PSME3IP1: variants seen among roughly 807,000 people sequenced by gnomAD.
The protein encoded by PSME3IP1 is proteasome activator subunit 3 interacting protein 1.
PSME3IP1 carries 13 observed loss-of-function variants against 34.1 expected under a neutral mutation model. The observed-to-expected ratio is 0.38, with a 90% CI of 0.25 to 0.61. The LOEUF is 0.61. Ranked by LOEUF, PSME3IP1 falls within the 20% of genes least tolerant of loss-of-function variation. PSME3IP1 has a pLI of 0.60. For synonymous variants in PSME3IP1, 93 were observed against 114.3 expected, an observed-to-expected ratio of 0.81 and a Z score of 1.19; for missense variants, 237 against 301.4, an observed-to-expected ratio of 0.79 and a Z score of 1.58.
At chr16:57,159,889 G>C (rs2071018675) in intron 6 of PSME3IP1, among the ~76,000 whole-genome samples, 1 of 152,090 alleles carries the variant, frequency 6.6e-6, no homozygotes, top group Non-Finnish European at 1.5e-5. Flanking sequence ...TTTAACCCCA[G>C]CTACTCAGGA....
intron 6 of PSME3IP1, among the ~76,000 whole-genome samples, chr16:57,156,949 A>G: frequency 6.6e-6 from 1 of 152,234 alleles, no homozygotes; most frequent in East Asian, 1.9e-4. Context: ...GCAAAAGAGT[A>G]CTGACAACCA....
At position 57,172,777 on chromosome 16, in the gene PSME3IP1, G is replaced by C; in HGVS notation, c.225C>G (p.Phe75Leu). The change falls in exon 3 of 7, where the codon TTC becomes TTG. Residue 75 changes from phenylalanine (F) to leucine (L), a missense_variant and splice_region_variant. Physicochemically the swap from Phe to Leu is conservative, Grantham distance 22 (BLOSUM62 0). Transcript: ENST00000309137. ...KQQEYEEQFKFKNMVRGLDED... is the reference protein window; with the variant it reads ...KQQEYEEQFKLKNMVRGLDED... Reference sequence around the variant, plus strand: ...AACTCTCTGTTTTCTGAAGCTTACTGAATTTGAACTGTTCCTCGTACTCCT... The same window carrying C: ...AACTCTCTGTTTTCTGAAGCTTACTCAATTTGAACTGTTCCTCGTACTCCT... 2 of 1,609,080 alleles carry C rather than the reference G, an allele frequency of 1.2e-6. No homozygotes were observed. Among genetic ancestry groups the C allele is most frequent in the African/African-American group, 1.3e-5 (1 of 74,922 alleles).
intron 1 of PSME3IP1, among the ~76,000 whole-genome samples, chr16:57,184,564 C>T (rs182675950): frequency 1.6e-4 from 25 of 152,240 alleles, no homozygotes; most frequent in African/African-American, 5.5e-4. Flanking sequence ...ATGGTGAACA[C>T]GTTGAAAATG....
chr16:57,160,796 C>T (rs1187892397), intron 6 of PSME3IP1, among the ~76,000 whole-genome samples: 1 of 152,154 alleles, frequency 6.6e-6, no homozygotes, highest in Non-Finnish European at 1.5e-5. Flanking sequence ...GATTAAAATA[C>T]TACTAACAAT....
At chr16:57,183,014 T>C (rs2073872534) in intron 1 of PSME3IP1, among the ~76,000 whole-genome samples, 1 of 152,120 alleles carries the variant, frequency 6.6e-6, no homozygotes, top group South Asian at 2.1e-4. Context: ...ACTCATTCAG[T>C]AAAAGACATA....
intron 4 of PSME3IP1, among the ~76,000 whole-genome samples, chr16:57,171,928 T>C (rs1452911348): frequency 6.6e-6 from 1 of 152,198 alleles, no homozygotes; most frequent in African/African-American, 2.4e-5. Context: ...CATGTTCTTT[T>C]AAAACTCAGA....
intron 1 of PSME3IP1, chr16:57,181,567 G>A (rs1163770212): frequency 2.0e-5 from 3 of 152,162 alleles, no homozygotes; most frequent in Non-Finnish European, 4.4e-5. Flanking sequence ...GATGGAGACC[G>A]CGTCAGATCC....
intron 6 of PSME3IP1, among the ~76,000 whole-genome samples, chr16:57,158,582 T>C (rs534565027): frequency 3.3e-5 from 5 of 151,886 alleles, no homozygotes; most frequent in African/African-American, 1.2e-4. Context: ...AGCTAGACTG[T>C]CTCAAAATAA....
In PSME3IP1 at chr16:57,154,223, G is replaced by T; in HGVS notation, c.*67C>A. 2 of 1,361,034 alleles carry T rather than the reference G, an allele frequency of 1.5e-6. No individual in the cohort carries two copies. The highest frequency in any genetic ancestry group is 2.1e-6 in the Non-Finnish European group (2 of 959,212). 84.3% of individuals were successfully genotyped at this position (1,361,034 alleles called of 1,614,324 possible). ...GGAGTTTTTTTTTGAGGGACATAAT[G>T]CCTATAGGCAGCATGAACGGTCCGA... On this transcript the variant is annotated 3_prime_UTR_variant, in exon 7 of 7. Transcript: ENST00000309137. This position sits in a 1 kb window ranked among gnomAD's most constrained non-coding sequence, Gnocchi z 4.0.
intron 1 of PSME3IP1, among the ~76,000 whole-genome samples, chr16:57,176,586 C>T (rs558424746): frequency 3.2e-4 from 49 of 152,134 alleles, no homozygotes; most frequent in Non-Finnish European, 5.6e-4. Flanking sequence ...AGGTTCAATC[C>T]ACTGGGACTA....
At chr16:57,160,705 G>A (rs1221064033) in intron 6 of PSME3IP1, among the ~76,000 whole-genome samples, 5 of 152,184 alleles carry the variant, frequency 3.3e-5, no homozygotes, top group African/African-American at 9.7e-5. Context: ...AAAAAGGAAC[G>A]AGGAAGTGCT....
chr16:57,183,340 A>AT lies in PSME3IP1; in HGVS notation c.-16+2480dup, dbSNP rs1212853282. 6.4e-4 allele frequency among the ~76,000 whole-genome samples: 97 copies of AT among 150,488 alleles called. 1 individual carries two copies. Among genetic ancestry groups the AT allele is most frequent in the Middle Eastern group, 3.5e-3 (1 of 288 alleles). ...ATATGCTGGAAATTTGTCAAAAATA[A>AT]TTTTTTTTTTGAGATAGGGTCTCGC... On this transcript the variant is annotated intron_variant, in intron 1 of 6. Coordinates refer to ENST00000309137, the MANE Select transcript of PSME3IP1 (RefSeq NM_024946.4).
chr16:57,164,028 C>T lies in PSME3IP1; in HGVS notation c.520G>A (p.Asp174Asn). The part of the protein sequence containing the change: ...SGNSVKRLKP[D>N]PEPDDKNQEP... ...TGATTCTTGTCATCTGGCTCAGGGT[C>T]CGGTTTCAGTCTTTTCACACTGTTG... The change falls in exon 6 of 7, where the codon GAC becomes AAC. Residue 174 changes from aspartate to asparagine, a missense_variant. Transcript: ENST00000309137. 3 of 1,614,158 alleles carry T rather than the reference C, an allele frequency of 1.9e-6. No individual in the cohort carries two copies. The highest frequency in any genetic ancestry group is 2.5e-6 in the Non-Finnish European group (3 of 1,180,030).
In PSME3IP1 at chr16:57,185,969, AAAAAG is replaced by A. The variant is rs2146095008; in HGVS notation, c.-169_-165del. On this transcript the variant is annotated 5_prime_UTR_variant, in exon 1 of 7. Transcript: ENST00000309137. ...AGGAATGAATGAAAGAAAGAAAAAAAAAAAGAAAATAGCCTTTGCTTTTGTATTTC... is the reference window on the plus strand; with the variant it reads ...AGGAATGAATGAAAGAAAGAAAAAAAAAAATAGCCTTTGCTTTTGTATTTC... 5.1e-6 allele frequency: 5 copies of A among 985,430 alleles called. No homozygotes were observed. The highest frequency in any genetic ancestry group is 3.5e-5 in the African/African-American group (2 of 57,356). 61.0% of individuals were successfully genotyped at this position (985,430 alleles called of 1,614,324 possible). A position where few individuals can be genotyped will look rare whatever the true frequency, so the allele number is the denominator to read the frequency against.
rs376480031 is a variant in PSME3IP1 at position 57,154,344 on chromosome 16, G to A, written c.711C>T (p.Thr237=). 25 of 1,614,084 alleles carry A rather than the reference G, an allele frequency of 1.5e-5. No individual in the cohort carries two copies. The Admixed American group carries it at 1.7e-4, about 11-fold the overall frequency. Residue 237 remains threonine (T), a synonymous_variant, in exon 7 of 7, where the codon ACC becomes ACT. Coordinates refer to ENST00000309137, the MANE Select transcript of PSME3IP1 (RefSeq NM_024946.4). This position sits in a 1 kb window ranked among gnomAD's most constrained non-coding sequence, Gnocchi z 4.0. ...SSDSEGTINA[T]GKIVSSIFRT... The stretch of plus-strand genomic sequence containing the variant: ...GGAAGATGGAGGAGACAATCTTTCC[G>A]GTGGCATTGATGGTGCCTTCGCTGT...
intron 1 of PSME3IP1, among the ~76,000 whole-genome samples, chr16:57,183,311 C>A (rs1415640950): frequency 6.6e-6 from 1 of 152,086 alleles, no homozygotes; most frequent in Non-Finnish European, 1.5e-5. Flanking sequence ...CACCTCTGCA[C>A]TAAATATGCT....
chr16:57,168,730 G>C (rs1291080058), intron 4 of PSME3IP1, among the ~76,000 whole-genome samples: 1 of 147,800 alleles, frequency 6.8e-6, no homozygotes, highest in Non-Finnish European at 1.5e-5. Context: ...TTGAACCCGG[G>C]AGGCAGAGAT....
chr16:57,185,725 C>T (rs1262361917), intron 1 of PSME3IP1, 96 bp downstream of exon 1: 1 of 985,432 alleles, frequency 1.0e-6, no homozygotes, highest in Non-Finnish European at 1.2e-6. Flanking sequence ...GAGAACAGGC[C>T]TGGCCCTAAC....
intron 6 of PSME3IP1, among the ~76,000 whole-genome samples, chr16:57,156,694 T>C (rs180965546): frequency 2.6e-5 from 4 of 152,276 alleles, no homozygotes; most frequent in Admixed American, 2.6e-4. Flanking sequence ...TACTAAGAGT[T>C]CTTCCAAATC....
Sources: allele counts gnomAD v4.1 joint callset (sites outside exome capture counted in the v4.1 genomes callset), GRCh38; gene constraint gnomAD v4.1.1; non-coding constraint Gnocchi (gnomAD v3.1); transcripts MANE v1.5; gene names NCBI Gene and HGNC (gene_info 2026-07-23, HGNC 2026-07-21).